Variants in TBC1D9 observed in about 807,000 individuals in gnomAD.
TBC1D9 encodes the protein TBC1 domain family member 9A.
Under a neutral mutation model 132.0 loss-of-function variants are expected in TBC1D9, and 63 were observed. The ratio of observed to expected loss-of-function variants is 0.48; its 90% confidence interval spans 0.39 to 0.59. TBC1D9 has a LOEUF of 0.59. Among genes scored for constraint, TBC1D9 ranks in the 20% least tolerant of loss-of-function variants. The pLI, the probability that TBC1D9 is intolerant of heterozygous loss-of-function variation, is 0.00. For synonymous variants in TBC1D9, 610 were observed against 609.9 expected (o/e 1.00, Z 0.00); for missense variants, 1,261 against 1,592.7 (o/e 0.79, Z 3.54).
intron 1 of TBC1D9, among the ~76,000 whole-genome samples, chr4:140,752,406 T>C (rs1214802877): frequency 1.3e-5 from 2 of 152,186 alleles, no homozygotes; most frequent in Non-Finnish European, 2.9e-5. Context: ...GATATGTTCT[T>C]TGGAAAAACT....
intron 2 of TBC1D9, among the ~76,000 whole-genome samples, chr4:140,687,094 T>C (rs969165627): frequency 2.0e-5 from 3 of 151,736 alleles, no homozygotes; most frequent in Non-Finnish European, 2.9e-5. Flanking sequence ...ATAAGAAGCA[T>C]TTAAGATAAC....
chr4:140,646,413 G>A (rs1225333006), intron 13 of TBC1D9, among the ~76,000 whole-genome samples: 2 of 152,164 alleles, frequency 1.3e-5, no homozygotes, highest in Admixed American at 6.5e-5. Context: ...ATGAATAAAA[G>A]CATAGGAAAT....
rs2110997157 is a variant in TBC1D9, at chr4:140,657,825, T to C, written c.1922-13A>G. On this transcript the variant is annotated splice_polypyrimidine_tract_variant and intron_variant, in intron 11 of 20. Transcript: ENST00000442267. ...TCCACCAGTGCACCTGTGGCAGCGA[T>C]GTATACAAAAAGGCGCAGCTTAGCC... is the stretch of plus-strand genomic sequence containing the variant. 6.2e-7 allele frequency: 1 copy of C among 1,604,184 alleles called. No individual in the cohort carries two copies. The highest frequency in any genetic ancestry group is 8.5e-7 in the Non-Finnish European group (1 of 1,175,500).
intron 1 of TBC1D9, among the ~76,000 whole-genome samples, chr4:140,723,460 A>G (rs560290235): frequency 6.6e-6 from 1 of 152,236 alleles, no homozygotes; most frequent in African/African-American, 2.4e-5. Flanking sequence ...CAGCCTCCCA[A>G]GTAGCTGTGA....
chr4:140,657,853 C>G, intron 11 of TBC1D9, 41 bp from the exon 12 acceptor site: 1 of 1,575,134 alleles, frequency 6.3e-7, no homozygotes, highest in Non-Finnish European at 8.6e-7. Flanking sequence ...GCTTAGCCAA[C>G]TACACAGTGT....
At position 140,677,110 on chromosome 4, in the gene TBC1D9, C is replaced by A. The variant is rs894562966; in HGVS notation, c.852-9G>T. ...CCCTGGCATCAAGATCACTGGAAAG[C>A]AATAATTACAATTCACATAAGAAAA... On this transcript the variant is annotated splice_polypyrimidine_tract_variant and intron_variant, in intron 5 of 20. Transcript: ENST00000442267. The A allele has an allele frequency of 2.5e-6, 4 of 1,612,762 alleles. No individual in the cohort carries two copies. The African/African-American group carries it at 5.3e-5, about 22-fold the overall frequency.
At chr4:140,644,014 T>C (rs1355943002) in intron 13 of TBC1D9, 10 of 503,020 alleles carry the variant, frequency 2.0e-5, no homozygotes, top group Non-Finnish European at 3.8e-5. Flanking sequence ...TCTGGGATCT[T>C]GGAGGGGGAC....
intron 4 of TBC1D9, 125 bp from the exon 5 acceptor site, chr4:140,679,328 T>C (rs1317325425): frequency 2.3e-5 from 25 of 1,075,164 alleles, no homozygotes; most frequent in Middle Eastern, 3.2e-4. Flanking sequence ...CCATATTTGT[T>C]TTGCTTGTTC....
At chr4:140,643,414 G>A in intron 13 of TBC1D9, 1 of 582,120 alleles carries the variant, frequency 1.7e-6, no homozygotes, top group Non-Finnish European at 2.8e-6. Context: ...ATGCCAGCCA[G>A]TGGGTCTTCC....
At chr4:140,688,136 A>G (rs1737818494) in intron 2 of TBC1D9, among the ~76,000 whole-genome samples, 1 of 152,130 alleles carries the variant, frequency 6.6e-6, no homozygotes, top group South Asian at 2.1e-4. Context: ...AGAAGAGTCC[A>G]GTGAAAACAC....
chr4:140,737,021 T>A (rs1578862287), intron 1 of TBC1D9, among the ~76,000 whole-genome samples: 1 of 152,008 alleles, frequency 6.6e-6, no homozygotes. Flanking sequence ...GCAGCAGGGG[T>A]GGGAATGGTT....
chr4:140,663,912 T>C (rs28852750), intron 9 of TBC1D9, among the ~76,000 whole-genome samples: 10,914 of 151,746 alleles, frequency 0.072, 913 homozygotes, highest in African/African-American at 0.2. Context: ...GAGATGTTGG[T>C]CAAAGGGTAT....
intron 1 of TBC1D9, chr4:140,716,066 G>A (rs970637921): frequency 5.3e-5 from 8 of 152,206 alleles, no homozygotes; most frequent in African/African-American, 1.7e-4. Context: ...GTAACAGGAT[G>A]TGTTTTCAAT....
intron 13 of TBC1D9, chr4:140,643,657 T>C: frequency 9.1e-7 from 1 of 1,098,590 alleles, no homozygotes; most frequent in Non-Finnish European, 1.3e-6. Flanking sequence ...GGCTCCTCCT[T>C]GGCCTCCACT....
chr4:140,647,188 ACATGCCATCT>A (rs1235645386), intron 13 of TBC1D9, among the ~76,000 whole-genome samples: 2 of 152,216 alleles, frequency 1.3e-5, no homozygotes, highest in African/African-American at 2.4e-5. Flanking sequence ...AGGGACATTA[ACATGCCATCT>A]CATTTGCACC....
chr4:140,679,972 C>T, intron 3 of TBC1D9, 129 bp from the exon 4 acceptor site: 2 of 650,996 alleles, frequency 3.1e-6, no homozygotes, highest in Non-Finnish European at 5.0e-6. Context: ...CAATGGCAAC[C>T]CCCAAATTCT....
At chr4:140,734,043 T>C (rs756372617) in intron 1 of TBC1D9, among the ~76,000 whole-genome samples, 7 of 152,226 alleles carry the variant, frequency 4.6e-5, no homozygotes, top group Non-Finnish European at 8.8e-5. Context: ...GTAAATGCTA[T>C]TACCGAGCTG....
At chr4:140,725,919 A>G (rs1738495380) in intron 1 of TBC1D9, among the ~76,000 whole-genome samples, 1 of 152,194 alleles carries the variant, frequency 6.6e-6, no homozygotes, top group Non-Finnish European at 1.5e-5. Context: ...TTTCCACTGT[A>G]TGCTGTTTAA....
chr4:140,697,948 C>T (rs959364914), intron 2 of TBC1D9, among the ~76,000 whole-genome samples: 5 of 152,112 alleles, frequency 3.3e-5, no homozygotes, highest in South Asian at 2.1e-4. Context: ...CAAAGGATCT[C>T]GCAGGCAGTT....
Sources: gnomAD v4.1 joint callset for allele counts (sites outside exome capture counted in the v4.1 genomes callset) on GRCh38, gnomAD v4.1.1 for gene constraint, MANE v1.5 for transcripts, NCBI Gene and HGNC (gene_info 2026-07-23, HGNC 2026-07-21) for gene names.